ST8SIA5: variants seen among roughly 807,000 people sequenced by gnomAD.
ST8SIA5 encodes the protein alpha-2,8-sialyltransferase 8E.
Under a neutral mutation model 40.2 loss-of-function variants are expected in ST8SIA5, and 24 were observed. That is an observed-to-expected ratio of 0.60 (90% CI 0.43 to 0.84). The LOEUF (loss-of-function observed/expected upper bound fraction) is 0.84, where lower values mean the gene tolerates loss of function less well. Ranked by LOEUF, ST8SIA5 falls within the 40% of genes least tolerant of loss-of-function variation. ST8SIA5 has a pLI of 0.00. For synonymous variants in ST8SIA5, 198 were observed against 201.8 expected, an observed-to-expected ratio of 0.98 and a Z score of 0.16; for missense variants, 465 against 498.5, an observed-to-expected ratio of 0.93 and a Z score of 0.64.
At chr18:46,693,517 C>T (rs1339940055) in intron 2 of ST8SIA5, among the ~76,000 whole-genome samples, 3 of 152,168 alleles carry the variant, frequency 2.0e-5, no homozygotes, top group African/African-American at 7.2e-5. Context: ...GGAAAGGGAA[C>T]GTCTAAACCA....
chr18:46,749,097 G>T (rs2040171268), intron 1 of ST8SIA5, among the ~76,000 whole-genome samples: 2 of 152,198 alleles, frequency 1.3e-5, no homozygotes, highest in South Asian at 4.1e-4. Context: ...AGTGAAAGAT[G>T]TCAATCACAT....
At chr18:46,699,917 T>C (rs2039594678) in intron 2 of ST8SIA5, among the ~76,000 whole-genome samples, 1 of 152,160 alleles carries the variant, frequency 6.6e-6, no homozygotes, top group Non-Finnish European at 1.5e-5. Context: ...CCAGCTGGCC[T>C]TTGCTCCCAG....
At chr18:46,700,974 T>C (rs1303504854) in intron 2 of ST8SIA5, among the ~76,000 whole-genome samples, 2 of 152,098 alleles carry the variant, frequency 1.3e-5, no homozygotes, top group African/African-American at 4.8e-5. Context: ...GTTTGTGTTT[T>C]GAGCTCAAAA....
intron 1 of ST8SIA5, among the ~76,000 whole-genome samples, chr18:46,736,350 C>A (rs573988342): frequency 2.8e-4 from 43 of 152,238 alleles, no homozygotes; most frequent in Admixed American, 2.6e-3. Flanking sequence ...AATTAACCAA[C>A]CTGAACTAAG....
intron 1 of ST8SIA5, among the ~76,000 whole-genome samples, chr18:46,739,313 G>C (rs1438699240): frequency 6.6e-6 from 1 of 152,158 alleles, no homozygotes. Context: ...AGGCTGAGGC[G>C]GGTGGATCAC....
At chr18:46,724,762 T>A (rs1379179407) in intron 1 of ST8SIA5, among the ~76,000 whole-genome samples, 1 of 152,014 alleles carries the variant, frequency 6.6e-6, no homozygotes, top group Non-Finnish European at 1.5e-5. Flanking sequence ...TCACTTGAGG[T>A]CAGGAGTTCG....
At chr18:46,724,990 A>AGGAG (rs1310198468) in intron 1 of ST8SIA5, among the ~76,000 whole-genome samples, 2 of 12,270 alleles carry the variant, frequency 1.6e-4, no homozygotes, top group African/African-American at 9.7e-4. Context: ...AAAGAGAGAG[A>AGGAG]GGAAGGAAGG....
intron 5 of ST8SIA5, among the ~76,000 whole-genome samples, chr18:46,685,444 G>A (rs189302425): frequency 5.3e-5 from 8 of 152,314 alleles, no homozygotes; most frequent in Admixed American, 4.6e-4. Flanking sequence ...AGCAGGTGAC[G>A]CAGGGTGTCC....
At chr18:46,700,873 CTCA>C (rs1029705047) in intron 2 of ST8SIA5, among the ~76,000 whole-genome samples, 3 of 152,188 alleles carry the variant, frequency 2.0e-5, no homozygotes, top group Non-Finnish European at 4.4e-5. Context: ...GTGACTGTCT[CTCA>C]TGTTCCTCTC....
At chr18:46,731,281 C>T (rs1468969522) in intron 1 of ST8SIA5, among the ~76,000 whole-genome samples, 1 of 152,232 alleles carries the variant, frequency 6.6e-6, no homozygotes, top group Non-Finnish European at 1.5e-5. Context: ...CTTTTGGTAA[C>T]TCTTTTGGCG....
At chr18:46,709,890 T>G (rs1467135224) in intron 1 of ST8SIA5, among the ~76,000 whole-genome samples, 2 of 152,226 alleles carry the variant, frequency 1.3e-5, no homozygotes, top group Non-Finnish European at 2.9e-5. Flanking sequence ...AATTCTTTTT[T>G]AAGTCCCAGA....
At chr18:46,735,303 G>A (rs910486585) in intron 1 of ST8SIA5, among the ~76,000 whole-genome samples, 1 of 152,220 alleles carries the variant, frequency 6.6e-6, no homozygotes, top group African/African-American at 2.4e-5. Flanking sequence ...TTGTGATCAT[G>A]TGAGTCAATA....
At position 46,704,613 on chromosome 18, in the gene ST8SIA5, C is replaced by T. The variant is rs777075880; in HGVS notation, c.183G>A (p.Leu61=). ...GPFEYNSTRC[L]ELRHEILEVK... is the part of the protein sequence containing the mutation. ...CTTCCAATATTTCGTGCCTCAGCTC[C>T]AGGCATCTTGTGGAGTTATATTCAA... The change falls in exon 2 of 7, where the codon CTG becomes CTA. Residue 61 remains leucine, a synonymous_variant. Transcript: ENST00000315087. The T allele has an allele frequency of 2.5e-6, 4 of 1,614,116 alleles. No homozygotes were observed. The South Asian group carries it at 3.3e-5, about 13-fold the overall frequency.
intron 1 of ST8SIA5, among the ~76,000 whole-genome samples, chr18:46,709,731 A>G (rs1300106814): frequency 2.0e-5 from 3 of 152,254 alleles, no homozygotes; most frequent in Non-Finnish European, 4.4e-5. Context: ...ATGTGAAAGC[A>G]TGGGCAAAGG....
chr18:46,750,956 T>C (rs2040190312), intron 1 of ST8SIA5, among the ~76,000 whole-genome samples: 1 of 152,340 alleles, frequency 6.6e-6, no homozygotes, highest in Non-Finnish European at 1.5e-5. Flanking sequence ...TAATAAAAAC[T>C]CTTTTTATTG....
rs887888709 is a variant in ST8SIA5, at chr18:46,735,661, G to A, written c.131+20717C>T. 2.6e-5 allele frequency among the ~76,000 whole-genome samples: 4 copies of A among 152,140 alleles called. No homozygotes were observed. The East Asian group carries it at 5.8e-4, about 22-fold the overall frequency. On this transcript the variant is annotated intron_variant, in intron 1 of 6. Transcript: ENST00000315087. ...AGGGTCTTGCCCTGTTGCCCAGGCTGGAATGTAGCAGTGCTGTCATAGCTG... is the reference window on the plus strand; with the variant it reads ...AGGGTCTTGCCCTGTTGCCCAGGCTAGAATGTAGCAGTGCTGTCATAGCTG...
intron 1 of ST8SIA5, 48 bp from the exon 2 acceptor site, chr18:46,704,712 C>T (rs1221591470): frequency 6.7e-7 from 1 of 1,500,012 alleles, no homozygotes; most frequent in Admixed American, 1.7e-5. Context: ...GTCAGGATGT[C>T]CAGGGCCTGC....
chr18:46,730,835 G>C (rs948576577), intron 1 of ST8SIA5, among the ~76,000 whole-genome samples: 3 of 152,126 alleles, frequency 2.0e-5, no homozygotes, highest in Non-Finnish European at 2.9e-5. Flanking sequence ...GCAAAAGTAG[G>C]CTGGGCACAG....
At position 46,704,555 on chromosome 18, in the gene ST8SIA5, C is replaced by A; in HGVS notation, c.224+17G>T. ...CTCCACATGCTCCCTGCACCCACCA[C>A]AAATGGCCACACTCACATGGACAGC... On this transcript the variant is annotated intron_variant, in intron 2 of 6. Transcript: ENST00000315087. The A allele has an allele frequency of 6.2e-7, 1 of 1,613,170 alleles. No homozygotes were observed. The highest frequency in any genetic ancestry group is 8.5e-7 in the Non-Finnish European group (1 of 1,179,438).
Sources: allele counts gnomAD v4.1 joint callset (sites outside exome capture counted in the v4.1 genomes callset), GRCh38; gene constraint gnomAD v4.1.1; transcripts MANE v1.5; gene names NCBI Gene and HGNC (gene_info 2026-07-23, HGNC 2026-07-21).